The following ASPRV1 variants were observed in gnomAD, a reference collection of about 807,000 sequenced individuals.
ASPRV1 encodes the protein retroviral-like aspartic protease 1.
In ASPRV1, 7 loss-of-function variants were observed where a neutral mutation model predicts 11.0. The ratio of observed to expected loss-of-function variants is 0.64; its 90% CI spans 0.36 to 1.20. The LOEUF (loss-of-function observed/expected upper bound fraction) is 1.20, where lower values mean the gene tolerates loss of function less well. Among genes scored for constraint, ASPRV1 ranks in the 50% most tolerant of loss-of-function variants. The pLI is 0.02. For missense variants in ASPRV1, 299 were observed against 320.0 expected, an observed-to-expected ratio of 0.93 and a Z score of 0.50; for synonymous variants, 136 against 138.4, an observed-to-expected ratio of 0.98 and a Z score of 0.12.
At chr2:70,001,080 T>C in the ASPRV1 span, among the ~76,000 whole-genome samples, 2 of 152,000 alleles carry the variant, frequency 1.3e-5, no homozygotes, top group Non-Finnish European at 2.9e-5. Context: ...AGTTGATACA[T>C]CCTTCCTGGA....
the ASPRV1 span, among the ~76,000 whole-genome samples, chr2:69,986,059 G>C: frequency 6.6e-6 from 1 of 152,198 alleles, no homozygotes; most frequent in African/African-American, 2.4e-5. Context: ...CCTCAGAGAA[G>C]GAAGCAGTCA....
At chr2:69,937,338 T>C in the ASPRV1 span, 1 of 1,614,004 alleles carries the variant, frequency 6.2e-7, no homozygotes, top group Non-Finnish European at 8.5e-7. Flanking sequence ...ATTGAGAGGA[T>C]CCGGATGGAC....
At chr2:70,064,968 G>A in the ASPRV1 span, among the ~76,000 whole-genome samples, 28 of 151,956 alleles carry the variant, frequency 1.8e-4, no homozygotes, top group Admixed American at 1.5e-3. Flanking sequence ...GGTGGCACAC[G>A]TCTCTAATCC....
At chr2:70,080,522 C>A in the ASPRV1 span, among the ~76,000 whole-genome samples, 6 of 152,124 alleles carry the variant, frequency 3.9e-5, no homozygotes, top group African/African-American at 1.2e-4. Context: ...CCACTGTGCC[C>A]GGCCACCCCT....
At chr2:69,975,329 G>C in the ASPRV1 span, 1 of 152,678 alleles carries the variant, frequency 6.5e-6, no homozygotes, top group South Asian at 2.1e-4. Context: ...CAGACAGCAA[G>C]AGCCCAGCCT....
chr2:69,963,621 G>A (rs1678217322), upstream of ASPRV1: 4 of 365,404 alleles, frequency 1.1e-5, no homozygotes, highest in African/African-American at 4.3e-5. Context: ...AACCATAGTG[G>A]TAGATGTTGA....
chr2:69,950,070 C>T, the ASPRV1 span, among the ~76,000 whole-genome samples: 1 of 152,222 alleles, frequency 6.6e-6, no homozygotes, highest in South Asian at 2.1e-4. Context: ...CCTGCCTCAG[C>T]CTCCCAAAGT....
the ASPRV1 span, among the ~76,000 whole-genome samples, chr2:69,934,123 A>G: frequency 4.6e-5 from 7 of 152,236 alleles, no homozygotes; most frequent in Admixed American, 4.6e-4. Context: ...TTAAGCTGCA[A>G]TCCTGACTTT....
At chr2:69,996,776 G>A in the ASPRV1 span, 6 of 455,896 alleles carry the variant, frequency 1.3e-5, no homozygotes. Flanking sequence ...GACACATGGG[G>A]GCTGCAGGGA....
chr2:70,054,539 T>C, the ASPRV1 span, among the ~76,000 whole-genome samples: 87 of 152,026 alleles, frequency 5.7e-4, no homozygotes, highest in African/African-American at 2.0e-3. Context: ...ATCGCGCCAC[T>C]GCACTCCAGC....
chr2:70,016,946 A>G, the ASPRV1 span, among the ~76,000 whole-genome samples: 1 of 152,162 alleles, frequency 6.6e-6, no homozygotes, highest in African/African-American at 2.4e-5. Context: ...AAATCAATAA[A>G]TATGATACAC....
the ASPRV1 span, among the ~76,000 whole-genome samples, chr2:69,984,723 C>A: frequency 6.8e-6 from 1 of 148,018 alleles, no homozygotes; most frequent in Non-Finnish European, 1.5e-5. Flanking sequence ...CAGGTTCAAG[C>A]GATTCTCCTG....
chr2:70,052,942 C>T, the ASPRV1 span, among the ~76,000 whole-genome samples: 1 of 152,150 alleles, frequency 6.6e-6, no homozygotes, highest in African/African-American at 2.4e-5. Context: ...CAGAGCTCTA[C>T]CCTTGGCACA....
rs778332994 is a variant in ASPRV1, at chr2:69,961,556, G to C, written c.-120C>G. 1.9e-6 allele frequency: 3 copies of C among 1,614,108 alleles called. No individual in the cohort carries two copies. In the Admixed American group the frequency reaches 5.0e-5, roughly 27 times the overall value. ...TCTCGAAGCAGAGTGGGGATGACTTGCCCGGCCTTGGGCAAGCAGGAGGGA... is the reference window on the plus strand; with the variant it reads ...TCTCGAAGCAGAGTGGGGATGACTTCCCCGGCCTTGGGCAAGCAGGAGGGA... On this transcript the variant is annotated 5_prime_UTR_variant, in exon 1 of 1. Coordinates refer to ENST00000320256, the MANE Select transcript of ASPRV1 (RefSeq NM_152792.4).
At chr2:69,956,466 AGAAGAAGAAGAAAAGAG>A (rs1161417352), downstream of ASPRV1, among the ~76,000 whole-genome samples, 1 of 150,656 alleles carries the variant, frequency 6.6e-6, no homozygotes, top group African/African-American at 2.5e-5. Flanking sequence ...AAGAAGAAGA[AGAAGAAGAAGAAAAGAG>A]GAAGAAGAAG....
chr2:70,050,443 G>T, the ASPRV1 span, among the ~76,000 whole-genome samples: 3 of 152,052 alleles, frequency 2.0e-5, no homozygotes, highest in African/African-American at 7.2e-5. Flanking sequence ...ATAATTTTGA[G>T]GTGGGGAAGC....
chr2:69,934,270 G>A, the ASPRV1 span, among the ~76,000 whole-genome samples: 1 of 152,148 alleles, frequency 6.6e-6, no homozygotes, highest in South Asian at 2.1e-4. Context: ...GGATGGCTTG[G>A]GAAGGCTTTA....
chr2:69,973,619 A>G, the ASPRV1 span, among the ~76,000 whole-genome samples: 1 of 152,244 alleles, frequency 6.6e-6, no homozygotes, highest in Non-Finnish European at 1.5e-5. Context: ...AAGTGCTGGG[A>G]TCACAGGCAA....
the ASPRV1 span, among the ~76,000 whole-genome samples, chr2:69,983,908 C>T: frequency 4.8e-3 from 732 of 152,304 alleles, 5 homozygotes; most frequent in African/African-American, 0.017. Context: ...ACCTGGAGGT[C>T]ACACAAGGAG....
Sources: allele counts gnomAD v4.1 joint callset (sites outside exome capture counted in the v4.1 genomes callset), GRCh38; gene constraint gnomAD v4.1.1; transcripts MANE v1.5; gene names NCBI Gene and HGNC (gene_info 2026-07-23, HGNC 2026-07-21).